PRPF19: variants seen among roughly 807,000 people sequenced by gnomAD.
PRPF19 encodes the protein pre-mRNA-processing factor 19.
Under a neutral mutation model 64.2 loss-of-function variants are expected in PRPF19, and 2 were observed. That is an observed-to-expected ratio of 0.03 (90% CI 0.01 to 0.10). The LOEUF is 0.10. Ranked by LOEUF, PRPF19 falls within the 10% of genes least tolerant of loss-of-function variation. The pLI, the probability that PRPF19 is intolerant of heterozygous loss-of-function variation, is 1.00. For synonymous variants in PRPF19, 226 were observed against 251.6 expected, an observed-to-expected ratio of 0.90 and a Z score of 0.96; for missense variants, 314 against 650.0, an observed-to-expected ratio of 0.48 and a Z score of 5.62.
intron 9 of PRPF19, 65 bp downstream of exon 9, chr11:60,900,789 G>T (rs1186722175): frequency 4.4e-6 from 7 of 1,600,518 alleles, no homozygotes; most frequent in Non-Finnish European, 6.0e-6. Flanking sequence ...AAGAGGACAA[G>T]GAGCATGCGC....
At chr11:60,892,425 G>A (rs1855870763) in intron 15 of PRPF19, among the ~76,000 whole-genome samples, 1 of 152,188 alleles carries the variant, frequency 6.6e-6, no homozygotes. Context: ...CTACGTGCCA[G>A]ACACCGTTCT....
intron 3 of PRPF19, 31 bp downstream of exon 3, chr11:60,903,428 G>C (rs1476020095): frequency 9.4e-6 from 15 of 1,588,382 alleles, no homozygotes; most frequent in Non-Finnish European, 1.1e-5. Context: ...CTTCAAGTGG[G>C]GAAGATGCTG....
At position 60,895,775 on chromosome 11, in the gene PRPF19, T is replaced by C. The variant is rs147743555; in HGVS notation, c.1417+2071A>G. The stretch of plus-strand genomic sequence containing the variant: ...TGGACACCGAGAGGCCATAATACGG[T>C]TATTAACTGGCCTAGTTTCAATATT... On this transcript the variant is annotated intron_variant, in intron 15 of 15. Coordinates refer to ENST00000227524, the MANE Select transcript of PRPF19 (RefSeq NM_014502.5). 4.4e-3 allele frequency among the ~76,000 whole-genome samples: 656 copies of C among 149,042 alleles called. 4 individuals are homozygous for C. Among genetic ancestry groups the C allele is most frequent in the African/African-American group, 0.015 (614 of 40,304 alleles).
In PRPF19 at chr11:60,900,563, G is replaced by A; in HGVS notation, c.828+19C>T. ...AGCCAAGGAAAGAAGAACCAAGGGT[G>A]GCGAGGAGAACCCCTTACCTGGGAA... On this transcript the variant is annotated intron_variant, in intron 10 of 15. Transcript: ENST00000227524. The A allele has an allele frequency of 6.6e-7, 1 of 1,510,730 alleles. No individual in the cohort carries two copies. The highest frequency in any genetic ancestry group is 9.0e-7 in the Non-Finnish European group (1 of 1,110,606). The allele number at this position is 1,510,730 out of a possible 1,614,324, so 93.6% of individuals were successfully genotyped here.
At chr11:60,891,394 T>C (rs1239476872) in intron 15 of PRPF19, 131 bp from the exon 16 acceptor site, 8 of 697,700 alleles carry the variant, frequency 1.1e-5, no homozygotes, top group Non-Finnish European at 2.0e-5. Flanking sequence ...AGGCTCCTGT[T>C]TGTTTTCCCT....
chr11:60,892,970 C>T (rs1349155040), intron 15 of PRPF19, among the ~76,000 whole-genome samples: 1 of 152,040 alleles, frequency 6.6e-6, no homozygotes, highest in Non-Finnish European at 1.5e-5. Flanking sequence ...CCCTAGAAGC[C>T]TTAGGCCCCT....
Position 60,902,322 on chromosome 11 carries a change from A to G in PRPF19, c.525+81T>C. The G allele has an allele frequency of 1.3e-6, 2 of 1,485,760 alleles. No individual in the cohort carries two copies. Among genetic ancestry groups the G allele is most frequent in the South Asian group, 2.3e-5 (2 of 86,518 alleles). 92.0% of individuals were successfully genotyped at this position (1,485,760 alleles called of 1,614,324 possible). A position where few individuals can be genotyped will look rare whatever the true frequency, so the allele number is the denominator to read the frequency against. Reference sequence around the variant, plus strand: ...CCACTCAACTCCCAAAAGCACAGTGATTTTAGTCACGATGGACTCCAGACA... The same window carrying G: ...CCACTCAACTCCCAAAAGCACAGTGGTTTTAGTCACGATGGACTCCAGACA... On this transcript the variant is annotated intron_variant, in intron 6 of 15. Transcript: ENST00000227524. This position sits in a 1 kb window ranked among gnomAD's most constrained non-coding sequence, Gnocchi z 5.0.
intron 15 of PRPF19, among the ~76,000 whole-genome samples, chr11:60,896,927 G>A (rs941853042): frequency 6.6e-6 from 1 of 152,168 alleles, no homozygotes; most frequent in African/African-American, 2.4e-5. Context: ...TAAGTTAAAT[G>A]TTATTACAAA....
intron 8 of PRPF19, 99 bp downstream of exon 8, chr11:60,901,189 AGGAACCT>A: frequency 7.9e-7 from 1 of 1,270,962 alleles, no homozygotes. Flanking sequence ...GAACAGCGCC[AGGAACCT>A]GGGACAGCTC....
At position 60,899,273 on chromosome 11, in the gene PRPF19, G is replaced by A; in HGVS notation, c.860C>T (p.Thr287Ile). Residue 287 changes from threonine (T) to isoleucine (I), a missense_variant, in exon 11 of 16, where the codon ACT becomes ATT. By Grantham distance (89) the Thr-to-Ile change is moderately conservative. Around this residue, in one of 7 missense-constraint regions of PRPF19, gnomAD observed 175 missense variants for 342.9 expected, o/e 0.51. Coordinates refer to ENST00000227524, the MANE Select transcript of PRPF19 (RefSeq NM_014502.5). ...DLVFSASPDA[T>I]IRIWSVPNAS... is the part of the protein sequence containing the mutation. ...ATTGGGGACCGACCAAATCCTGATA[G>A]TGGCATCGGGGGAAGCAGAAAACAC... The A allele has an allele frequency of 6.2e-7, 1 of 1,613,174 alleles. No individual in the cohort carries two copies. The highest frequency in any genetic ancestry group is 8.5e-7 in the Non-Finnish European group (1 of 1,179,108).
At chr11:60,901,225 T>C (rs190406333) in intron 8 of PRPF19, 70 bp downstream of exon 8, 1 of 1,532,928 alleles carries the variant, frequency 6.5e-7, no homozygotes, top group Non-Finnish European at 9.0e-7. Context: ...GCACTCCCCA[T>C]GCTGGCCCGC....
chr11:60,894,468 A>G (rs1855898975), intron 15 of PRPF19, among the ~76,000 whole-genome samples: 1 of 152,206 alleles, frequency 6.6e-6, no homozygotes, highest in African/African-American at 2.4e-5. Context: ...AGATTGCAGC[A>G]ATTCAGTCCC....
chr11:60,901,359 G>A lies in PRPF19; in HGVS notation c.578C>T (p.Thr193Ile). ...TGGCTTCACCAGCTCCTCAGGCACA[G>A]TCTTCCCTCTCTGAGAAAATGAAAA... is the stretch of plus-strand genomic sequence containing the variant. The part of the protein sequence containing the change: ...LTTERKKRGK[T>I]VPEELVKPEE... The change falls in exon 8 of 16, where the codon ACT becomes ATT. Residue 193 changes from threonine (T) to isoleucine (I), a missense_variant. By Grantham distance (89) the Thr-to-Ile change is moderately conservative. Around this residue, in one of 7 missense-constraint regions of PRPF19, gnomAD observed 175 missense variants for 342.9 expected, o/e 0.51. Coordinates refer to ENST00000227524, the MANE Select transcript of PRPF19 (RefSeq NM_014502.5). 1.2e-6 allele frequency: 2 copies of A among 1,614,212 alleles called. No individual in the cohort carries two copies. Among genetic ancestry groups the A allele is most frequent in the East Asian group, 4.5e-5 (2 of 44,886 alleles).
At chr11:60,904,566 T>A (rs1156671589) in intron 1 of PRPF19, among the ~76,000 whole-genome samples, 2 of 152,204 alleles carry the variant, frequency 1.3e-5, no homozygotes, top group Non-Finnish European at 2.9e-5. Context: ...TGACCTCCTT[T>A]TTGGGTTCAA....
chr11:60,901,301 G>A lies in PRPF19; in HGVS notation c.636C>T (p.Ser212=). 2 of 1,614,170 alleles carry A rather than the reference G, an allele frequency of 1.2e-6. No homozygotes were observed. The highest frequency in any genetic ancestry group is 1.7e-6 in the Non-Finnish European group (2 of 1,180,032). Residue 212 remains serine, a synonymous_variant, in exon 8 of 16, where the codon TCC becomes TCT. Transcript: ENST00000227524. Reference sequence around the variant, plus strand: ...TGGAGACCCAGACACTCACCACGTGGGATGCCACCTGCCGGTATTTGCTGA... The same window carrying A: ...TGGAGACCCAGACACTCACCACGTGAGATGCCACCTGCCGGTATTTGCTGA... ...EELSKYRQVA[S]HVGLHSASIP...
At chr11:60,892,465 T>C (rs7927662) in intron 15 of PRPF19, among the ~76,000 whole-genome samples, 4,185 of 152,238 alleles carry the variant, frequency 0.027, 181 homozygotes, top group African/African-American at 0.091. Context: ...GGTCCCCGAT[T>C]TACCATGGTT....
intron 15 of PRPF19, among the ~76,000 whole-genome samples, chr11:60,896,014 G>GT (rs1175625929): frequency 6.6e-6 from 1 of 152,168 alleles, no homozygotes; most frequent in Non-Finnish European, 1.5e-5. Flanking sequence ...TTGAAATACT[G>GT]TAAGAATTAC....
At chr11:60,895,082 A>C (rs73491101) in intron 15 of PRPF19, among the ~76,000 whole-genome samples, 2 of 152,216 alleles carry the variant, frequency 1.3e-5, no homozygotes, top group Non-Finnish European at 2.9e-5. Context: ...CTTTGGCTTC[A>C]ATGTAAAATC....
intron 8 of PRPF19, 81 bp downstream of exon 8, chr11:60,901,214 A>C (rs1855980889): frequency 1.4e-6 from 2 of 1,460,184 alleles, no homozygotes; most frequent in African/African-American, 1.4e-5. Context: ...CTCTGCACTC[A>C]GCACTCCCCA....
Sources: allele counts gnomAD v4.1 joint callset (sites outside exome capture counted in the v4.1 genomes callset), GRCh38; gene constraint gnomAD v4.1.1; regional missense constraint gnomAD v4.1.1; non-coding constraint Gnocchi (gnomAD v3.1); transcripts MANE v1.5; gene names NCBI Gene and HGNC (gene_info 2026-07-23, HGNC 2026-07-21).